The following MAPK10 variants were observed in gnomAD, a reference collection of about 807,000 sequenced individuals.
MAPK10 encodes mitogen-activated protein kinase 10.
In MAPK10, 25 loss-of-function variants were observed where a neutral mutation model predicts 59.3. The observed-to-expected ratio is 0.42, with a 90% CI of 0.31 to 0.59. MAPK10 has a LOEUF of 0.59. MAPK10 is among the 20% of genes least tolerant of loss of function. The pLI is 0.15. For synonymous variants in MAPK10, 190 were observed against 200.5 expected (o/e 0.95, Z 0.44); for missense variants, 351 against 568.9 (o/e 0.62, Z 3.90).
intron 3 of MAPK10, among the ~76,000 whole-genome samples, chr4:86,183,143 T>TTA (rs2077292516): frequency 6.6e-6 from 1 of 152,186 alleles, no homozygotes; most frequent in African/African-American, 2.4e-5. Context: ...CTGGTTTTTT[T>TTA]TTATTATTAT....
intron 1 of MAPK10, among the ~76,000 whole-genome samples, chr4:86,406,069 T>C (rs1169107548): frequency 6.6e-6 from 1 of 152,162 alleles, no homozygotes; most frequent in African/African-American, 2.4e-5. Context: ...AGAGGACCCA[T>C]GAGTGCTAGA....
intron 2 of MAPK10, among the ~76,000 whole-genome samples, chr4:86,278,997 A>T (rs2094692761): frequency 6.6e-6 from 1 of 152,146 alleles, no homozygotes; most frequent in Non-Finnish European, 1.5e-5. Flanking sequence ...AATATGTTAA[A>T]GTTCATCATT....
intron 1 of MAPK10, among the ~76,000 whole-genome samples, chr4:86,409,392 T>C (rs187718072): frequency 1.1e-3 from 174 of 152,332 alleles, no homozygotes; most frequent in Non-Finnish European, 6.3e-4. Context: ...GGCTCTTTTT[T>C]TGGTTCCATA....
intron 1 of MAPK10, among the ~76,000 whole-genome samples, chr4:86,451,487 C>T (rs1410561990): frequency 1.3e-5 from 2 of 152,166 alleles, no homozygotes; most frequent in Admixed American, 1.3e-4. Context: ...GATACTAACT[C>T]AAACAAACTA....
intron 11 of MAPK10, among the ~76,000 whole-genome samples, chr4:86,050,121 A>G (rs2043238692): frequency 6.6e-6 from 1 of 151,466 alleles, no homozygotes; most frequent in Admixed American, 6.6e-5. Flanking sequence ...CTACTCTTCC[A>G]CCTCCATTTC....
At chr4:86,109,090 G>A (rs1445286967) in intron 4 of MAPK10, among the ~76,000 whole-genome samples, 1 of 152,112 alleles carries the variant, frequency 6.6e-6, no homozygotes, top group Admixed American at 6.6e-5. Flanking sequence ...GAAGATTAGG[G>A]TAGAGCTAGT....
chr4:86,528,739 A>C (rs1757656227), intron 1 of MAPK10, among the ~76,000 whole-genome samples: 2 of 152,166 alleles, frequency 1.3e-5, no homozygotes, highest in African/African-American at 4.8e-5. Flanking sequence ...TTTCCAGTAA[A>C]TGCCCCAAAC....
At position 86,191,331 on chromosome 4, in the gene MAPK10, T is replaced by C. The variant is rs183237136; in HGVS notation, c.66+3005A>G. ...TTTTCTGCCTCGTTGATCTGTCTAA[T>C]ATTGACAATGGGGTGTTAAATTCTC... is the stretch of plus-strand genomic sequence containing the variant. On this transcript the variant is annotated intron_variant, in intron 3 of 13. Coordinates refer to ENST00000641462, the MANE Select transcript of MAPK10 (RefSeq NM_138982.4). 1.5e-3 allele frequency among the ~76,000 whole-genome samples: 223 copies of C among 152,218 alleles called. 1 individual carries two copies. The highest frequency in any genetic ancestry group is 5.3e-3 in the African/African-American group (220 of 41,546).
Position 86,270,772 on chromosome 4 carries a change from C to T in MAPK10, c.-6-76365G>A, listed in dbSNP as rs147429095. On this transcript the variant is annotated intron_variant, in intron 2 of 13. Transcript: ENST00000641462. ...TTGCATTTCATAAAATGGAATCATG[C>T]CATGAGTACTTTTTTGTGCCTGGCT... Among the ~76,000 whole-genome samples the T allele has an allele frequency of 3.6e-3, 541 of 152,120 alleles. 4 individuals are homozygous for T. The highest frequency in any genetic ancestry group is 0.012 in the African/African-American group (517 of 41,518).
chr4:86,473,020 T>C (rs1424340123), intron 1 of MAPK10, among the ~76,000 whole-genome samples: 1 of 152,238 alleles, frequency 6.6e-6, no homozygotes, highest in Non-Finnish European at 1.5e-5. Flanking sequence ...TTGTGCATTT[T>C]GTCCAATACT....
Position 86,191,553 on chromosome 4 carries a change from C to CTTTTTTTTTTTTTTTTTTTTTTTTTT in MAPK10, c.66+2757_66+2782dup, listed in dbSNP as rs35357476. ...TCAGAGACTAGGATTACAACCCGTG[C>CTTTTTTTTTTTTTTTTTTTTTTTTTT]TTTTTTTTTTTTTTTTTTTTTTTTT... On this transcript the variant is annotated intron_variant, in intron 3 of 13. Coordinates refer to ENST00000641462, the MANE Select transcript of MAPK10 (RefSeq NM_138982.4). 6 of 30,414 alleles carry CTTTTTTTTTTTTTTTTTTTTTTTTTT rather than the reference C, an allele frequency of 2.0e-4. 2 individuals are homozygous for CTTTTTTTTTTTTTTTTTTTTTTTTTT. The highest frequency in any genetic ancestry group is 5.8e-4 in the Non-Finnish European group (5 of 8,630). The allele number at this position is 30,414 out of a possible 1,614,324, so 1.9% of individuals were successfully genotyped here.
chr4:86,285,187 C>T (rs980614731), intron 2 of MAPK10, among the ~76,000 whole-genome samples: 3 of 151,978 alleles, frequency 2.0e-5, no homozygotes, highest in Non-Finnish European at 4.4e-5. Flanking sequence ...CCTTTAAAGA[C>T]CATTCTTCAG....
intron 1 of MAPK10, among the ~76,000 whole-genome samples, chr4:86,502,508 C>T (rs972601382): frequency 5.3e-5 from 8 of 152,018 alleles, no homozygotes; most frequent in Non-Finnish European, 1.0e-4. Context: ...CACAAAACTT[C>T]TTGTTTCTCT....
chr4:86,495,144 A>C (rs1423635321), intron 1 of MAPK10, among the ~76,000 whole-genome samples: 2 of 152,206 alleles, frequency 1.3e-5, no homozygotes, highest in Admixed American at 6.5e-5. Context: ...CATGAGGCCT[A>C]AAGCGAGTTT....
chr4:86,456,509 T>C (rs1168774511), upstream of MAPK10, among the ~76,000 whole-genome samples: 1 of 152,018 alleles, frequency 6.6e-6, no homozygotes, highest in Non-Finnish European at 1.5e-5. Context: ...CAAAAGATCA[T>C]TCAAGGCTAC....
At chr4:86,298,711 A>G (rs2095414548) in intron 2 of MAPK10, among the ~76,000 whole-genome samples, 1 of 152,178 alleles carries the variant, frequency 6.6e-6, no homozygotes, top group African/African-American at 2.4e-5. Flanking sequence ...GTCAGTGGAT[A>G]TTTGCTCCTG....
intron 1 of MAPK10, among the ~76,000 whole-genome samples, chr4:86,472,555 G>T (rs765365355): frequency 6.6e-6 from 1 of 152,016 alleles, no homozygotes; most frequent in African/African-American, 2.4e-5. Flanking sequence ...GTGGTGGGAG[G>T]ATCACTTGAG....
At chr4:86,576,379 C>T (rs1761887124) in intron 1 of MAPK10, among the ~76,000 whole-genome samples, 1 of 151,970 alleles carries the variant, frequency 6.6e-6, no homozygotes, top group Non-Finnish European at 1.5e-5. Flanking sequence ...GATACTAAAC[C>T]GGGGTGGGGG....
intron 1 of MAPK10, among the ~76,000 whole-genome samples, chr4:86,570,936 T>A (rs1465196126): frequency 6.6e-6 from 1 of 152,108 alleles, no homozygotes; most frequent in Non-Finnish European, 1.5e-5. Flanking sequence ...TTAGTTTCAG[T>A]TGTTAATAAC....
Sources: allele counts gnomAD v4.1 joint callset (sites outside exome capture counted in the v4.1 genomes callset), GRCh38; gene constraint gnomAD v4.1.1; transcripts MANE v1.5; gene names NCBI Gene and HGNC (gene_info 2026-07-23, HGNC 2026-07-21).